Variants in IL7 observed in about 807,000 individuals in gnomAD.
The protein encoded by IL7 is interleukin-7.
Under a neutral mutation model 21.6 loss-of-function variants are expected in IL7, and 3 were observed. That is an observed-to-expected ratio of 0.14 (90% confidence interval 0.06 to 0.36). IL7 has a LOEUF of 0.36. IL7 is among the 10% of genes least tolerant of loss of function. The probability of loss-of-function intolerance (pLI) is 1.00; values close to 1 mark genes in which losing one functional copy is unlikely to be tolerated. For missense variants in IL7, 175 were observed against 200.2 expected (o/e 0.87, Z 0.76); for synonymous variants, 62 against 68.1 (o/e 0.91, Z 0.44).
At position 78,751,640 on chromosome 8, in the gene IL7, A is replaced by T. The variant is rs1158576440; in HGVS notation, c.148-11558T>A. ...TTTTTTCCTTTTATTTTTAGTTGAC[A>T]CAATAGTCGTACATATTTATGGATG... On this transcript the variant is annotated intron_variant, in intron 2 of 5. Transcript: ENST00000263851. Among the ~76,000 whole-genome samples the T allele has an allele frequency of 2.6e-5, 4 of 152,236 alleles. No individual in the cohort carries two copies. In the East Asian group the frequency reaches 7.7e-4, roughly 29 times the overall value.
At chr8:78,773,458 CA>C (rs1436282260) in intron 2 of IL7, among the ~76,000 whole-genome samples, 1 of 152,034 alleles carries the variant, frequency 6.6e-6, no homozygotes, top group Non-Finnish European at 1.5e-5. Context: ...TGGAGCAAGA[CA>C]GGGGAAGTAG....
At chr8:78,702,415 A>G (rs1001274836) in intron 3 of IL7, among the ~76,000 whole-genome samples, 1 of 152,140 alleles carries the variant, frequency 6.6e-6, no homozygotes, top group African/African-American at 2.4e-5. Context: ...TTTAAAAAGC[A>G]GCTCCTAGAT....
chr8:78,764,813 A>C (rs1038659241), intron 2 of IL7, among the ~76,000 whole-genome samples: 4 of 152,158 alleles, frequency 2.6e-5, no homozygotes, highest in African/African-American at 9.6e-5. Flanking sequence ...GTTATTTTGT[A>C]GAAATTGACA....
At chr8:78,725,226 A>G (rs1028901140) in intron 3 of IL7, among the ~76,000 whole-genome samples, 1 of 152,006 alleles carries the variant, frequency 6.6e-6, no homozygotes, top group Non-Finnish European at 1.5e-5. Context: ...TGCAGCCTCC[A>G]TTTCCTAGTG....
chr8:78,739,505 A>G (rs189121462), intron 3 of IL7, among the ~76,000 whole-genome samples: 2 of 152,270 alleles, frequency 1.3e-5, no homozygotes, highest in Non-Finnish European at 2.9e-5. Flanking sequence ...CATCCTGGCC[A>G]GCATGGTGAA....
intron 1 of IL7, among the ~76,000 whole-genome samples, chr8:78,801,799 T>A (rs1265412897): frequency 6.6e-6 from 1 of 152,122 alleles, no homozygotes; most frequent in Non-Finnish European, 1.5e-5. Flanking sequence ...GCTGCAAACA[T>A]ACCTAGGGCC....
intron 2 of IL7, among the ~76,000 whole-genome samples, chr8:78,743,726 A>C: frequency 6.6e-6 from 1 of 152,096 alleles, no homozygotes; most frequent in Non-Finnish European, 1.5e-5. Flanking sequence ...AGGTTTCAGC[A>C]TTCTTGCTCT....
At position 78,779,867 on chromosome 8, in the gene IL7, C is replaced by T. The variant is rs142209693; in HGVS notation, c.147+18205G>A. Among the ~76,000 whole-genome samples, 373 of 151,854 alleles carry T rather than the reference C, an allele frequency of 2.5e-3. 3 individuals carry two copies. The highest frequency in any genetic ancestry group is 8.6e-3 in the African/African-American group (355 of 41,504). On this transcript the variant is annotated intron_variant, in intron 2 of 5. Transcript: ENST00000263851. The stretch of plus-strand genomic sequence containing the variant: ...ATTCAGCTCTAAATCTGTCTGGTCG[C>T]GGGTTTTCTTGGTTGGCAGGCTATT...
At chr8:78,770,690 C>T (rs550470783) in intron 2 of IL7, among the ~76,000 whole-genome samples, 1 of 151,724 alleles carries the variant, frequency 6.6e-6, no homozygotes, top group East Asian at 1.9e-4. Context: ...AAGACACGCA[C>T]ACACACACAC....
intron 2 of IL7, among the ~76,000 whole-genome samples, chr8:78,757,784 G>T (rs1812400385): frequency 6.6e-6 from 1 of 151,982 alleles, no homozygotes; most frequent in African/African-American, 2.4e-5. Context: ...TGTCTGATAT[G>T]GTTTGGCTGT....
intron 5 of IL7, among the ~76,000 whole-genome samples, chr8:78,720,270 T>A (rs1455917169): frequency 6.6e-6 from 1 of 151,772 alleles, no homozygotes; most frequent in East Asian, 1.9e-4. Flanking sequence ...CAAAGAATCA[T>A]CAGAACACTT....
At chr8:78,741,910 A>G (rs6993386) in intron 2 of IL7, among the ~76,000 whole-genome samples, 67,317 of 152,050 alleles carry the variant, frequency 0.44, 17,023 homozygotes, top group African/African-American at 0.7. Context: ...CATGGTGTTG[A>G]AAAGAAACTT....
chr8:78,769,858 C>T (rs1812893509), intron 2 of IL7, among the ~76,000 whole-genome samples: 1 of 152,100 alleles, frequency 6.6e-6, no homozygotes. Context: ...TGGAACAGAA[C>T]AGAGGCCTCA....
chr8:78,679,110 C>T (rs1809680022), intron 4 of IL7: 1 of 152,260 alleles, frequency 6.6e-6, no homozygotes, highest in African/African-American at 2.4e-5. Context: ...ATAGATACTG[C>T]TTATTTTGAC....
At chr8:78,684,280 G>A (rs538854130) in intron 4 of IL7, among the ~76,000 whole-genome samples, 7 of 152,206 alleles carry the variant, frequency 4.6e-5, no homozygotes, top group Non-Finnish European at 7.3e-5. Context: ...TCAGTTTCAC[G>A]TGTCTGGGGA....
downstream of IL7, among the ~76,000 whole-genome samples, chr8:78,730,844 G>C (rs1419133540): frequency 6.6e-6 from 1 of 151,922 alleles, no homozygotes; most frequent in Non-Finnish European, 1.5e-5. Context: ...AATGAATGAT[G>C]CAGGCTTAAG....
intron 5 of IL7, 46 bp from the exon 6 acceptor site, chr8:78,733,878 A>C: frequency 1.6e-6 from 2 of 1,258,496 alleles, no homozygotes; most frequent in Non-Finnish European, 2.1e-6. Context: ...TTTTTACAAA[A>C]ATATATATTT....
chr8:78,735,234 G>A (rs1452585102), intron 5 of IL7, among the ~76,000 whole-genome samples: 1 of 125,282 alleles, frequency 8.0e-6, no homozygotes, highest in Non-Finnish European at 1.7e-5. Flanking sequence ...GAGAATCTTG[G>A]TTTTACCCCT....
chr8:78,736,446 A>G (rs1458845027), intron 5 of IL7, 28 bp downstream of exon 5: 4 of 1,478,244 alleles, frequency 2.7e-6, no homozygotes, highest in South Asian at 1.3e-5. Context: ...CTGATGAACC[A>G]TAAGGAAAAT....
Sources: allele counts gnomAD v4.1 joint callset (sites outside exome capture counted in the v4.1 genomes callset), GRCh38; gene constraint gnomAD v4.1.1; transcripts MANE v1.5; gene names NCBI Gene and HGNC (gene_info 2026-07-23, HGNC 2026-07-21).